The following MRAS variants were observed in gnomAD, a reference collection of about 807,000 sequenced individuals.
MRAS encodes the protein ras-related protein M-Ras.
MRAS carries 4 observed loss-of-function variants against 20.9 expected under a neutral mutation model. That is an observed-to-expected ratio of 0.19 (90% CI 0.09 to 0.44). The LOEUF is 0.44. Ranked by LOEUF, MRAS falls within the 20% of genes least tolerant of loss-of-function variation. The probability of loss-of-function intolerance (pLI) is 0.99; values close to 1 mark genes in which losing one functional copy is unlikely to be tolerated. For missense variants in MRAS, 154 were observed against 277.5 expected, an observed-to-expected ratio of 0.56 and a Z score of 3.16; for synonymous variants, 98 against 102.9, an observed-to-expected ratio of 0.95 and a Z score of 0.29.
rs1304283704 is a variant in MRAS, at chr3:138,348,873, G to C, written c.-19+106G>C. The C allele has an allele frequency of 3.3e-5, 5 of 152,092 alleles. No individual in the cohort carries two copies. In the East Asian group the frequency reaches 5.9e-4, roughly 18 times the overall value. 9.4% of individuals were successfully genotyped at this position (152,092 alleles called of 1,614,324 possible). ...GGAGGTGTGGCCGCCCTCCGGGCTC[G>C]GCCGCGCTCTCCGCTTGCGGGGTGC... On this transcript the variant is annotated intron_variant, in intron 1 of 5. Transcript: ENST00000423968.
At chr3:138,400,016 C>T (rs2055326029) in intron 4 of MRAS, among the ~76,000 whole-genome samples, 1 of 152,188 alleles carries the variant, frequency 6.6e-6, no homozygotes, top group Admixed American at 6.5e-5. Context: ...CTCCCAGGCT[C>T]ATAGATACAG....
intron 2 of MRAS, among the ~76,000 whole-genome samples, chr3:138,396,631 G>A (rs576236973): frequency 6.6e-6 from 1 of 152,332 alleles, no homozygotes; most frequent in South Asian, 2.1e-4. Context: ...GAGGAAGGTG[G>A]CAGTGAGGGG....
intron 2 of MRAS, among the ~76,000 whole-genome samples, chr3:138,387,304 G>C (rs1199139681): frequency 6.6e-6 from 1 of 152,234 alleles, no homozygotes; most frequent in African/African-American, 2.4e-5. Flanking sequence ...GGAGAGTTTG[G>C]TGTAAGCAAG....
chr3:138,349,533 G>C (rs905004417), intron 1 of MRAS, among the ~76,000 whole-genome samples: 2 of 152,204 alleles, frequency 1.3e-5, no homozygotes, highest in Non-Finnish European at 2.9e-5. Context: ...GGCTAGAGCT[G>C]AGGTCTGTTC....
chr3:138,397,188 C>T, intron 2 of MRAS, 136 bp from the exon 3 acceptor site: 1 of 1,027,346 alleles, frequency 9.7e-7, no homozygotes, highest in African/African-American at 1.6e-5. Context: ...AGAGAGAGAG[C>T]TTATGCAGCC....
intron 3 of MRAS, 40 bp from the exon 4 acceptor site, chr3:138,398,429 G>T: frequency 6.5e-7 from 1 of 1,544,732 alleles, no homozygotes; most frequent in Non-Finnish European, 9.0e-7. Flanking sequence ...TGTGAGGGGT[G>T]GTGGAAACCT....
At chr3:138,349,509 C>G (rs1156654297) in intron 1 of MRAS, 1 of 152,334 alleles carries the variant, frequency 6.6e-6, no homozygotes, top group Non-Finnish European at 1.5e-5. Flanking sequence ...ACACTGGACA[C>G]CCAGTTAGAC....
At chr3:138,386,296 A>G (rs897490271) in intron 2 of MRAS, among the ~76,000 whole-genome samples, 4 of 151,452 alleles carry the variant, frequency 2.6e-5, no homozygotes, top group Admixed American at 1.3e-4. Context: ...CCCTGAAACC[A>G]TTAATCCACT....
chr3:138,396,268 A>C (rs2055233423), intron 2 of MRAS, among the ~76,000 whole-genome samples: 1 of 152,188 alleles, frequency 6.6e-6, no homozygotes, highest in Non-Finnish European at 1.5e-5. Context: ...TACCTTGACC[A>C]TCCCCATTTT....
At chr3:138,377,873 C>A (rs1029574799) in intron 2 of MRAS, among the ~76,000 whole-genome samples, 1 of 152,370 alleles carries the variant, frequency 6.6e-6, no homozygotes, top group Admixed American at 6.5e-5. Context: ...CCGTGCTAAG[C>A]ACATTGCATT....
rs549683021 is a variant in MRAS, at chr3:138,354,885, A to G, written c.-19+6118A>G. Among the ~76,000 whole-genome samples the G allele has an allele frequency of 2.0e-5, 3 of 152,268 alleles. No homozygotes were observed. The East Asian group carries it at 5.8e-4, about 29-fold the overall frequency. ...AGCCTCGAACTCCTGGGCTCAAGCCATCCTCCTGCCTCAGCCTCCTCAGTA... is the reference window on the plus strand; with the variant it reads ...AGCCTCGAACTCCTGGGCTCAAGCCGTCCTCCTGCCTCAGCCTCCTCAGTA... On this transcript the variant is annotated intron_variant, in intron 1 of 5. Coordinates refer to ENST00000423968, the MANE Select transcript of MRAS (RefSeq NM_001085049.3).
At chr3:138,370,509 C>T (rs1175955399) in intron 1 of MRAS, among the ~76,000 whole-genome samples, 2 of 152,078 alleles carry the variant, frequency 1.3e-5, no homozygotes, top group Admixed American at 1.3e-4. Context: ...CCTCCGCCCT[C>T]TCTCCTTGGC....
chr3:138,394,838 C>T (rs2055202604), intron 2 of MRAS, among the ~76,000 whole-genome samples: 1 of 152,152 alleles, frequency 6.6e-6, no homozygotes, highest in Non-Finnish European at 1.5e-5. Flanking sequence ...CCTGTTGACT[C>T]TGTCTTAGAA....
At chr3:138,352,068 T>G (rs1006836642) in intron 1 of MRAS, among the ~76,000 whole-genome samples, 1 of 152,062 alleles carries the variant, frequency 6.6e-6, no homozygotes, top group African/African-American at 2.4e-5. Flanking sequence ...ACAAATAGAG[T>G]GGGACAGTTG....
At chr3:138,367,764 G>C (rs549034167) in intron 1 of MRAS, among the ~76,000 whole-genome samples, 1 of 152,208 alleles carries the variant, frequency 6.6e-6, no homozygotes, top group Admixed American at 6.5e-5. Context: ...TCTTGTCCTC[G>C]TGGAGCTTAC....
At chr3:138,389,091 CG>C (rs1485834723) in intron 2 of MRAS, among the ~76,000 whole-genome samples, 1 of 152,088 alleles carries the variant, frequency 6.6e-6, no homozygotes, top group Non-Finnish European at 1.5e-5. Context: ...CCGCCCTCCT[CG>C]GCCTCCCAAA....
chr3:138,379,652 C>A (rs1662509300), intron 2 of MRAS, among the ~76,000 whole-genome samples: 1 of 152,218 alleles, frequency 6.6e-6, no homozygotes, highest in Non-Finnish European at 1.5e-5. Context: ...GCCACTGCGC[C>A]CAGCCTCATT....
At chr3:138,359,486 C>A (rs2054401882) in intron 1 of MRAS, among the ~76,000 whole-genome samples, 1 of 152,214 alleles carries the variant, frequency 6.6e-6, no homozygotes, top group Admixed American at 6.5e-5. Context: ...CAAGGAAGAA[C>A]CTAGACCCTA....
intron 1 of MRAS, among the ~76,000 whole-genome samples, chr3:138,354,961 T>G (rs778318599): frequency 5.1e-4 from 78 of 152,230 alleles, no homozygotes; most frequent in Non-Finnish European, 7.8e-4. Context: ...AAAAAAATTT[T>G]TTTTGTAGAG....
Sources: gnomAD v4.1 joint callset for allele counts (sites outside exome capture counted in the v4.1 genomes callset) on GRCh38, gnomAD v4.1.1 for gene constraint, MANE v1.5 for transcripts, NCBI Gene and HGNC (gene_info 2026-07-23, HGNC 2026-07-21) for gene names.